The following MTMR3 variants were observed in gnomAD, a reference collection of about 807,000 sequenced individuals.
MTMR3 encodes the protein myotubularin related protein 3.
In MTMR3, 32 loss-of-function variants were observed where a neutral mutation model predicts 132.4. The ratio of observed to expected loss-of-function variants is 0.24; its 90% CI spans 0.18 to 0.32. MTMR3 has a LOEUF of 0.32. Among genes scored for constraint, MTMR3 ranks in the 10% least tolerant of loss-of-function variants. MTMR3 has a pLI of 1.00. For missense variants in MTMR3, 1,216 were observed against 1,489.6 expected (o/e 0.82, Z 3.02); for synonymous variants, 556 against 550.3 (o/e 1.01, Z -0.14).
chr22:29,909,054 C>T (rs1351176264), intron 1 of MTMR3, among the ~76,000 whole-genome samples: 1 of 151,210 alleles, frequency 6.6e-6, no homozygotes, highest in Non-Finnish European at 1.5e-5. Context: ...CTACTGCAGC[C>T]TCGACCTTCC....
At chr22:29,896,668 A>T (rs893854209) in intron 1 of MTMR3, among the ~76,000 whole-genome samples, 1 of 152,178 alleles carries the variant, frequency 6.6e-6, no homozygotes, top group Non-Finnish European at 1.5e-5. Context: ...TCTAAAAAAA[A>T]AGCAAAAAAT....
intron 1 of MTMR3, among the ~76,000 whole-genome samples, chr22:29,943,662 A>G (rs1019602097): frequency 6.6e-5 from 10 of 152,144 alleles, no homozygotes; most frequent in Non-Finnish European, 1.3e-4. Flanking sequence ...TTGAATCTGT[A>G]TCCTATGACT....
chr22:30,003,467 G>A (rs1418792889), intron 9 of MTMR3: 1 of 152,202 alleles, frequency 6.6e-6, no homozygotes, highest in East Asian at 1.9e-4. Context: ...GGCATGACTA[G>A]ATAGAAGATT....
intron 1 of MTMR3, among the ~76,000 whole-genome samples, chr22:29,923,526 T>C (rs2065460619): frequency 6.6e-6 from 1 of 152,158 alleles, no homozygotes. Context: ...TGAGTATCTT[T>C]TCTTGTATGT....
At chr22:29,997,188 A>C (rs892197809) in intron 7 of MTMR3, 2 of 152,080 alleles carry the variant, frequency 1.3e-5, no homozygotes, top group Non-Finnish European at 2.9e-5. Flanking sequence ...TGCACCTCAT[A>C]TTCTCTCAAC....
At chr22:29,984,778 T>C (rs1365737270) in intron 5 of MTMR3, 1 of 152,214 alleles carries the variant, frequency 6.6e-6, no homozygotes, top group African/African-American at 2.4e-5. Flanking sequence ...GAGTTTTGAT[T>C]TAAACTCTGT....
chr22:30,006,776 G>A, intron 9 of MTMR3: 1 of 269,598 alleles, frequency 3.7e-6, no homozygotes, highest in Non-Finnish European at 7.3e-6. Context: ...GCTCAGGCTG[G>A]TCTTGAACTC....
intron 3 of MTMR3, among the ~76,000 whole-genome samples, chr22:29,971,942 A>G (rs2066544425): frequency 6.6e-6 from 1 of 152,250 alleles, no homozygotes; most frequent in Non-Finnish European, 1.5e-5. Context: ...AAAAGGCTAC[A>G]TTAATTTCAA....
At chr22:29,896,894 CACACACACAT>C (rs1461950063) in intron 1 of MTMR3, among the ~76,000 whole-genome samples, 8 of 150,742 alleles carry the variant, frequency 5.3e-5, no homozygotes, top group Admixed American at 4.0e-4. Context: ...CACACACACA[CACACACACAT>C]ACACACACAC....
At chr22:29,918,845 T>A (rs5763606) in intron 1 of MTMR3, among the ~76,000 whole-genome samples, 9,053 of 152,270 alleles carry the variant, frequency 0.059, 504 homozygotes, top group South Asian at 0.24. Flanking sequence ...GGACAAAATA[T>A]TATTTGCCTT....
At chr22:29,924,873 G>A (rs941170543) in intron 1 of MTMR3, among the ~76,000 whole-genome samples, 3 of 152,118 alleles carry the variant, frequency 2.0e-5, no homozygotes, top group African/African-American at 7.2e-5. Context: ...TAGTGTATAT[G>A]TATATTTTTT....
At chr22:29,907,941 A>G (rs899208017) in intron 1 of MTMR3, among the ~76,000 whole-genome samples, 1 of 152,220 alleles carries the variant, frequency 6.6e-6, no homozygotes, top group East Asian at 1.9e-4. Context: ...AATGATAGAC[A>G]CTTTGAAAGG....
chr22:29,932,755 A>G (rs2065670885), intron 1 of MTMR3, among the ~76,000 whole-genome samples: 1 of 152,176 alleles, frequency 6.6e-6, no homozygotes, highest in African/African-American at 2.4e-5. Context: ...GATTTTAAAA[A>G]CTAACTTTGC....
intron 9 of MTMR3, chr22:30,005,985 A>G (rs934884444): frequency 6.6e-6 from 1 of 152,210 alleles, no homozygotes; most frequent in Non-Finnish European, 1.5e-5. Context: ...ATCTACTTCC[A>G]TCTTTATAGA....
intron 7 of MTMR3, 182 bp downstream of exon 7, chr22:29,991,852 A>C (rs1237667868): frequency 1.8e-6 from 1 of 567,998 alleles, no homozygotes; most frequent in Non-Finnish European, 2.8e-6. Flanking sequence ...CCTTCCGGGG[A>C]AGGGAAGAAC....
intron 1 of MTMR3, among the ~76,000 whole-genome samples, chr22:29,888,673 C>G (rs562138430): frequency 1.3e-5 from 2 of 151,732 alleles, no homozygotes; most frequent in Non-Finnish European, 2.9e-5. Flanking sequence ...CTGATAACTA[C>G]GGATATTCAG....
At chr22:29,994,355 G>A (rs1457118555) in intron 7 of MTMR3, 1 of 134,332 alleles carries the variant, frequency 7.4e-6, no homozygotes, top group Non-Finnish European at 1.5e-5. Context: ...TCGCTGTGGA[G>A]TACAAAGGAA....
intron 1 of MTMR3, among the ~76,000 whole-genome samples, chr22:29,943,445 C>A (rs1395330457): frequency 6.6e-6 from 1 of 152,142 alleles, no homozygotes; most frequent in Non-Finnish European, 1.5e-5. Flanking sequence ...CCGTCTCGGC[C>A]TCCCAAAGTG....
intron 2 of MTMR3, among the ~76,000 whole-genome samples, chr22:29,967,872 C>A (rs1289921640): frequency 6.6e-6 from 1 of 151,306 alleles, no homozygotes; most frequent in Non-Finnish European, 1.5e-5. Context: ...TGTCATGTAT[C>A]AGTATTTTAT....
Sources: gnomAD v4.1 joint callset for allele counts (sites outside exome capture counted in the v4.1 genomes callset) on GRCh38, gnomAD v4.1.1 for gene constraint, MANE v1.5 for transcripts, NCBI Gene and HGNC (gene_info 2026-07-23, HGNC 2026-07-21) for gene names.